The following DGKI variants were observed in gnomAD, a reference collection of about 807,000 sequenced individuals.
DGKI encodes the protein DAG kinase iota.
DGKI carries 55 observed loss-of-function variants against 147.5 expected under a neutral mutation model. That is an observed-to-expected ratio of 0.37 (90% confidence interval 0.30 to 0.47). The LOEUF is 0.47. Among genes scored for constraint, DGKI ranks in the 20% least tolerant of loss-of-function variants. The pLI is 1.00. For synonymous variants in DGKI, 469 were observed against 477.1 expected, an observed-to-expected ratio of 0.98 and a Z score of 0.22; for missense variants, 1,007 against 1,323.8, an observed-to-expected ratio of 0.76 and a Z score of 3.71.
chr7:137,397,838 G>A (rs1056765978), intron 30 of DGKI, among the ~76,000 whole-genome samples: 2 of 152,168 alleles, frequency 1.3e-5, no homozygotes, highest in Admixed American at 1.3e-4. Context: ...GATACTATAC[G>A]TATCATCTAG....
intron 3 of DGKI, among the ~76,000 whole-genome samples, chr7:137,672,257 A>G (rs910057805): frequency 1.3e-5 from 2 of 152,208 alleles, no homozygotes; most frequent in Non-Finnish European, 2.9e-5. Context: ...AATGGCTACT[A>G]TATTAGGTTC....
chr7:137,447,573 AAG>A (rs1439867724), intron 27 of DGKI, among the ~76,000 whole-genome samples: 6 of 152,360 alleles, frequency 3.9e-5, no homozygotes, highest in African/African-American at 1.4e-4. Flanking sequence ...GGCGTGTGAA[AAG>A]GAGTACAGAT....
intron 21 of DGKI, among the ~76,000 whole-genome samples, chr7:137,497,700 G>A (rs4732260): frequency 2.7e-4 from 41 of 151,872 alleles, no homozygotes; most frequent in Admixed American, 1.0e-3. Flanking sequence ...AACAGAAATC[G>A]ATTTAATAAG....
At chr7:137,764,294 TTTAAG>T (rs1356745652) in intron 1 of DGKI, among the ~76,000 whole-genome samples, 1 of 151,348 alleles carries the variant, frequency 6.6e-6, no homozygotes, top group Non-Finnish European at 1.5e-5. Context: ...ATTCTGAACC[TTTAAG>T]TTAATTTCAT....
At chr7:137,437,549 A>G (rs1462969330) in intron 28 of DGKI, among the ~76,000 whole-genome samples, 1 of 152,210 alleles carries the variant, frequency 6.6e-6, no homozygotes, top group Non-Finnish European at 1.5e-5. Context: ...ATGATGCATT[A>G]TCATAGAAAT....
At chr7:137,807,078 T>C (rs770297792) in intron 1 of DGKI, among the ~76,000 whole-genome samples, 1 of 152,194 alleles carries the variant, frequency 6.6e-6, no homozygotes, top group Non-Finnish European at 1.5e-5. Flanking sequence ...TTGCCATATA[T>C]GTCAGTGATC....
intron 26 of DGKI, among the ~76,000 whole-genome samples, chr7:137,464,048 T>C (rs1356850686): frequency 6.6e-6 from 1 of 150,910 alleles, no homozygotes; most frequent in Non-Finnish European, 1.5e-5. Context: ...CTAACAGAGG[T>C]CTAGCAAGGC....
At chr7:137,543,131 T>C (rs1817756909) in intron 20 of DGKI, among the ~76,000 whole-genome samples, 5 of 152,206 alleles carry the variant, frequency 3.3e-5, no homozygotes, top group Admixed American at 3.3e-4. Context: ...TTTTTGGCAT[T>C]AGCTGAATAG....
chr7:137,835,008 C>T (rs1230923196), intron 1 of DGKI, among the ~76,000 whole-genome samples: 5 of 152,214 alleles, frequency 3.3e-5, no homozygotes, highest in African/African-American at 1.2e-4. Flanking sequence ...ATGAATTATG[C>T]TTGTCTTGTA....
chr7:137,571,188 G>A lies in DGKI; in HGVS notation c.1934C>T (p.Thr645Ile). ...TATATTGCTCACCAAAGAGGCCATG[G>A]TAAATCCAATGACTTCAATATAACC... ...DDGYIEVIGFTMASLAALQVG... is the reference protein window; with the variant it reads ...DDGYIEVIGFIMASLAALQVG... The change falls in exon 19 of 33, where the codon ACC (threonine) becomes ATC (isoleucine). Residue 645 changes from threonine (T) to isoleucine (I), a missense_variant. Physicochemically the swap from Thr to Ile is moderately conservative, Grantham distance 89. Transcript: ENST00000614521. 1 of 1,608,076 alleles carries A rather than the reference G, an allele frequency of 6.2e-7. No homozygotes were observed. The highest frequency in any genetic ancestry group is 8.5e-7 in the Non-Finnish European group (1 of 1,178,460).
At chr7:137,652,239 A>G (rs1371427290) in intron 5 of DGKI, among the ~76,000 whole-genome samples, 3 of 152,234 alleles carry the variant, frequency 2.0e-5, no homozygotes. Context: ...TAAGAAGACA[A>G]GGGAGAATAT....
chr7:137,667,931 C>T (rs1030417609), intron 3 of DGKI, among the ~76,000 whole-genome samples: 7 of 152,270 alleles, frequency 4.6e-5, no homozygotes, highest in South Asian at 4.2e-4. Flanking sequence ...GTGTAATATA[C>T]ACATTACCCA....
chr7:137,658,606 C>T (rs966488715), intron 3 of DGKI, among the ~76,000 whole-genome samples: 3 of 152,208 alleles, frequency 2.0e-5, no homozygotes, highest in African/African-American at 4.8e-5. Context: ...CTTGACACTA[C>T]GCTCTGCATT....
At chr7:137,450,490 G>C (rs561402304) in intron 27 of DGKI, among the ~76,000 whole-genome samples, 1 of 152,042 alleles carries the variant, frequency 6.6e-6, no homozygotes, top group Non-Finnish European at 1.5e-5. Flanking sequence ...AGGCCAAGGC[G>C]GGCAGATCAC....
intron 11 of DGKI, among the ~76,000 whole-genome samples, chr7:137,599,386 A>AGC (rs956961620): frequency 1.3e-4 from 20 of 151,678 alleles, no homozygotes; most frequent in South Asian, 2.1e-4. Context: ...CTCACACACA[A>AGC]GCGCGCGCAC....
chr7:137,585,456 G>C, intron 13 of DGKI, 110 bp from the exon 14 acceptor site: 2 of 1,385,206 alleles, frequency 1.4e-6, no homozygotes, highest in South Asian at 1.6e-5. Flanking sequence ...TTTATAATTA[G>C]CAAGGTTTGA....
intron 1 of DGKI, among the ~76,000 whole-genome samples, chr7:137,725,765 T>C (rs571535605): frequency 8.5e-5 from 13 of 152,302 alleles, no homozygotes; most frequent in African/African-American, 3.1e-4. Flanking sequence ...CTTTCAAGCA[T>C]AGATTTCCAT....
At chr7:137,700,033 A>G (rs1421994673) in intron 1 of DGKI, among the ~76,000 whole-genome samples, 1 of 152,188 alleles carries the variant, frequency 6.6e-6, no homozygotes, top group Non-Finnish European at 1.5e-5. Flanking sequence ...AGTGCCATAG[A>G]TATAATGGGA....
intron 17 of DGKI, among the ~76,000 whole-genome samples, chr7:137,574,481 G>A (rs1156845654): frequency 1.3e-5 from 2 of 152,142 alleles, no homozygotes; most frequent in Non-Finnish European, 2.9e-5. Context: ...TTGCATTGCA[G>A]AAAGATTATA....
Sources: allele counts gnomAD v4.1 joint callset (sites outside exome capture counted in the v4.1 genomes callset), GRCh38; gene constraint gnomAD v4.1.1; transcripts MANE v1.5; gene names NCBI Gene and HGNC (gene_info 2026-07-23, HGNC 2026-07-21).